The following NRARP variants were observed in gnomAD, a reference collection of about 807,000 sequenced individuals.
NRARP encodes NOTCH regulated ankyrin repeat protein.
For synonymous variants in NRARP, 81 were observed against 77.4 expected, an observed-to-expected ratio of 1.05 and a Z score of -0.25; for missense variants, 83 against 161.1, an observed-to-expected ratio of 0.52 and a Z score of 2.62.
chr9:137,302,047 GC>G lies in NRARP; in HGVS notation c.-120del. On this transcript the variant is annotated 5_prime_UTR_variant, in exon 1 of 1. It removes the in-frame stop codon of an upstream open reading frame in the 5' UTR. Coordinates refer to ENST00000356628, the MANE Select transcript of NRARP (RefSeq NM_001004354.3). The surrounding 1 kb of genome is among the most constrained non-coding windows in gnomAD (Gnocchi z 4.8). ...CGCATGGAGGGCGCGGCGTCCCCGGGCCCCGCACGCCGCCTCTGGGCGCTCC... is the reference window on the plus strand; with the variant it reads ...CGCATGGAGGGCGCGGCGTCCCCGGGCCCGCACGCCGCCTCTGGGCGCTCC... 1 of 240,548 alleles carries G rather than the reference GC, an allele frequency of 4.2e-6. No individual in the cohort carries two copies. Among genetic ancestry groups the G allele is most frequent in the Non-Finnish European group, 6.6e-6 (1 of 152,298 alleles). The allele number at this position is 240,548 out of a possible 1,614,324, so 14.9% of individuals were successfully genotyped here.
rs1326432961 is a variant in NRARP at position 137,302,079 on chromosome 9, C to T, written c.-151G>A. 5 of 167,990 alleles carry T rather than the reference C, an allele frequency of 3.0e-5. No homozygotes were observed. Among genetic ancestry groups the T allele is most frequent in the Non-Finnish European group, 5.8e-5 (5 of 86,176 alleles). The allele number at this position is 167,990 out of a possible 1,614,324, so 10.4% of individuals were successfully genotyped here. Reference sequence around the variant, plus strand: ...ACGCCGCCTCTGGGCGCTCCGGGCGCTCGGGGCCGGGGGTCGCCGCCGCGG... The same window carrying T: ...ACGCCGCCTCTGGGCGCTCCGGGCGTTCGGGGCCGGGGGTCGCCGCCGCGG... On this transcript the variant is annotated 5_prime_UTR_variant, in exon 1 of 1. Transcript: ENST00000356628. This position sits in a 1 kb window ranked among gnomAD's most constrained non-coding sequence, Gnocchi z 4.8.
chr9:137,301,157 G>C lies in NRARP; in HGVS notation c.*427C>G, dbSNP rs1830950250. ...CGGCGCGTCCCGGGCCTGCGGGCGG[G>C]TCCTGAAGGCGGCGGCGGAGCGCTC... On this transcript the variant is annotated 3_prime_UTR_variant, in exon 1 of 1. Coordinates refer to ENST00000356628, the MANE Select transcript of NRARP (RefSeq NM_001004354.3). This position sits in a 1 kb window ranked among gnomAD's most constrained non-coding sequence, Gnocchi z 9.1. 1 of 152,090 alleles carries C rather than the reference G, an allele frequency of 6.6e-6. No individual in the cohort carries two copies. Among genetic ancestry groups the C allele is most frequent in the African/African-American group, 2.4e-5 (1 of 41,446 alleles). 9.4% of individuals were successfully genotyped at this position (152,090 alleles called of 1,614,324 possible). A position where few individuals can be genotyped will look rare whatever the true frequency, so the allele number is the denominator to read the frequency against.
chr9:137,301,520 T>C lies in NRARP; in HGVS notation c.*64A>G. 2 of 1,138,850 alleles carry C rather than the reference T, an allele frequency of 1.8e-6. No homozygotes were observed. Among genetic ancestry groups the C allele is most frequent in the East Asian group, 3.0e-5 (1 of 33,310 alleles). 70.5% of individuals were successfully genotyped at this position (1,138,850 alleles called of 1,614,324 possible). Reference sequence around the variant, plus strand: ...GCGAGCCGGGCGCGCACCGAGGTAGTTGGCGGGAAGGTACAGCAGAGACGA... The same window carrying C: ...GCGAGCCGGGCGCGCACCGAGGTAGCTGGCGGGAAGGTACAGCAGAGACGA... On this transcript the variant is annotated 3_prime_UTR_variant, in exon 1 of 1. Coordinates refer to ENST00000356628, the MANE Select transcript of NRARP (RefSeq NM_001004354.3). This position sits in a 1 kb window ranked among gnomAD's most constrained non-coding sequence, Gnocchi z 9.1.
rs1306023428 is a variant in NRARP, at chr9:137,300,842, C to T, written c.*742G>A. 2 of 152,188 alleles carry T rather than the reference C, an allele frequency of 1.3e-5. No individual in the cohort carries two copies. Among genetic ancestry groups the T allele is most frequent in the Non-Finnish European group, 2.9e-5 (2 of 68,016 alleles). The allele number at this position is 152,188 out of a possible 1,614,324, so 9.4% of individuals were successfully genotyped here. A position where few individuals can be genotyped will look rare whatever the true frequency, so the allele number is the denominator to read the frequency against. On this transcript the variant is annotated 3_prime_UTR_variant, in exon 1 of 1. Transcript: ENST00000356628. ...GAGAAGGGAAGGGGGAGGGACAGCA[C>T]GGGAACACCATCAGGCTGGGCGGTA...
chr9:137,302,029 A>T lies in NRARP; in HGVS notation c.-101T>A. 1 of 376,606 alleles carries T rather than the reference A, an allele frequency of 2.7e-6. No individual in the cohort carries two copies. The allele number at this position is 376,606 out of a possible 1,614,324, so 23.3% of individuals were successfully genotyped here. ...TCTCGGGGCGCGCCTCGGCGCATGGAGGGCGCGGCGTCCCCGGGCCCCGCA... is the reference window on the plus strand; with the variant it reads ...TCTCGGGGCGCGCCTCGGCGCATGGTGGGCGCGGCGTCCCCGGGCCCCGCA... On this transcript the variant is annotated 5_prime_UTR_variant, in exon 1 of 1. Transcript: ENST00000356628. The surrounding 1 kb of genome is among the most constrained non-coding windows in gnomAD (Gnocchi z 4.8).
chr9:137,301,614 G>T lies in NRARP; in HGVS notation c.315C>A (p.Thr105=), dbSNP rs541783157. The change falls in exon 1 of 1, where the codon ACC becomes ACA. Residue 105 remains threonine, a synonymous_variant. Transcript: ENST00000356628. This position sits in a 1 kb window ranked among gnomAD's most constrained non-coding sequence, Gnocchi z 9.1. ...GGCCGCTGGCCGCGTACTTCGCCTT[G>T]GTGATGAGATAGAGCACGATGTCCT... ...GHQDIVLYLI[T]KAKYAASGR is the part of the protein sequence containing the mutation. The T allele has an allele frequency of 1.3e-4, 210 of 1,596,718 alleles. 3 individuals carry two copies. The South Asian group carries it at 2.2e-3, about 17-fold the overall frequency.
chr9:137,301,565 T>A lies in NRARP; in HGVS notation c.*19A>T, dbSNP rs1830955647. The A allele has an allele frequency of 1.3e-6, 2 of 1,519,782 alleles. No individual in the cohort carries two copies. The highest frequency in any genetic ancestry group is 2.4e-5 in the South Asian group (2 of 82,254). 94.1% of individuals were successfully genotyped at this position (1,519,782 alleles called of 1,614,324 possible). ...AGACGACGCGGGCGCAGGGCCGGGG[T>A]CCGGGGTCCCGGCGGGCATCACCGG... On this transcript the variant is annotated 3_prime_UTR_variant, in exon 1 of 1. Coordinates refer to ENST00000356628, the MANE Select transcript of NRARP (RefSeq NM_001004354.3). This position sits in a 1 kb window ranked among gnomAD's most constrained non-coding sequence, Gnocchi z 9.1.
In NRARP at chr9:137,301,545, A is replaced by C; in HGVS notation, c.*39T>G. ...TTGGCGGGAAGGTACAGCAGAGACG[A>C]CGCGGGCGCAGGGCCGGGGTCCGGG... On this transcript the variant is annotated 3_prime_UTR_variant, in exon 1 of 1. Transcript: ENST00000356628. The surrounding 1 kb of genome is among the most constrained non-coding windows in gnomAD (Gnocchi z 9.1). 7.0e-7 allele frequency: 1 copy of C among 1,422,414 alleles called. No homozygotes were observed. The highest frequency in any genetic ancestry group is 1.3e-5 in the South Asian group (1 of 76,456). The allele number at this position is 1,422,414 out of a possible 1,614,324, so 88.1% of individuals were successfully genotyped here.
Position 137,301,548 on chromosome 9 carries a change from C to T in NRARP, c.*36G>A. 1 of 1,443,304 alleles carries T rather than the reference C, an allele frequency of 6.9e-7. No homozygotes were observed. The highest frequency in any genetic ancestry group is 9.4e-7 in the Non-Finnish European group (1 of 1,059,996). The allele number at this position is 1,443,304 out of a possible 1,614,324, so 89.4% of individuals were successfully genotyped here. On this transcript the variant is annotated 3_prime_UTR_variant, in exon 1 of 1. Transcript: ENST00000356628. The surrounding 1 kb of genome is among the most constrained non-coding windows in gnomAD (Gnocchi z 9.1). ...GCGGGAAGGTACAGCAGAGACGACG[C>T]GGGCGCAGGGCCGGGGTCCGGGGTC... is the stretch of plus-strand genomic sequence containing the variant.
Position 137,300,788 on chromosome 9 carries a change from A to C in NRARP, c.*796T>G. The C allele has an allele frequency of 1.4e-5, 2 of 143,948 alleles. No individual in the cohort carries two copies. The highest frequency in any genetic ancestry group is 2.5e-4 in the South Asian group (1 of 4,006). 8.9% of individuals were successfully genotyped at this position (143,948 alleles called of 1,614,324 possible). On this transcript the variant is annotated 3_prime_UTR_variant, in exon 1 of 1. Coordinates refer to ENST00000356628, the MANE Select transcript of NRARP (RefSeq NM_001004354.3). The stretch of plus-strand genomic sequence containing the variant: ...GGAGAGGGAGAAGGAGGGAGGGGGA[A>C]CAGAACGGGGTGGGGAGGTAGACGC...
Position 137,302,201 on chromosome 9 carries a change from TCC to T in NRARP, c.-275_-274del, listed in dbSNP as rs1830963595. ...GGCCGGGGACGGCGGCGCCGCGCGGTCCCGGTCCCTACTCGGTTCGGCTGCGG... is the reference window on the plus strand; with the variant it reads ...GGCCGGGGACGGCGGCGCCGCGCGGTCGGTCCCTACTCGGTTCGGCTGCGG... On this transcript the variant is annotated 5_prime_UTR_variant, in exon 1 of 1. Transcript: ENST00000356628. This position sits in a 1 kb window ranked among gnomAD's most constrained non-coding sequence, Gnocchi z 4.8. 2.1e-5 allele frequency: 3 copies of T among 145,238 alleles called. No homozygotes were observed. The highest frequency in any genetic ancestry group is 7.4e-5 in the African/African-American group (3 of 40,320). 9.0% of individuals were successfully genotyped at this position (145,238 alleles called of 1,614,324 possible). A position where few individuals can be genotyped will look rare whatever the true frequency, so the allele number is the denominator to read the frequency against.
Position 137,301,894 on chromosome 9 carries a change from G to C in NRARP, c.35C>G (p.Pro12Arg). 1.3e-6 allele frequency: 2 copies of C among 1,567,526 alleles called. No individual in the cohort carries two copies. Among genetic ancestry groups the C allele is most frequent in the Non-Finnish European group, 1.7e-6 (2 of 1,159,514 alleles). ...SQAELSTCSA[P>R]QTQRIFQEAV... ...CTCCTGGAAGATGCGCTGCGTCTGC[G>C]GCGCGGAGCAGGTGGACAGCTCGGC... is the stretch of plus-strand genomic sequence containing the variant. Residue 12 changes from proline (P) to arginine (R), a missense_variant, in exon 1 of 1, where the codon CCG (proline) becomes CGG (arginine). Pro to Arg is a moderately radical substitution (Grantham distance 103). Coordinates refer to ENST00000356628, the MANE Select transcript of NRARP (RefSeq NM_001004354.3). The surrounding 1 kb of genome is among the most constrained non-coding windows in gnomAD (Gnocchi z 9.1).
In NRARP at chr9:137,299,659, A is replaced by C. The variant is rs1830927867; in HGVS notation, c.*1925T>G. ...CAAGAAACTTTTTTTTAATATAAAA[A>C]GATCAATGAAAAATTTATTTATAAA... On this transcript the variant is annotated 3_prime_UTR_variant, in exon 1 of 1. Coordinates refer to ENST00000356628, the MANE Select transcript of NRARP (RefSeq NM_001004354.3). Among the ~76,000 whole-genome samples, 1 of 152,224 alleles carries C rather than the reference A, an allele frequency of 6.6e-6. No individual in the cohort carries two copies. Among genetic ancestry groups the C allele is most frequent in the South Asian group, 2.1e-4 (1 of 4,834 alleles).
chr9:137,301,278 T>C lies in NRARP; in HGVS notation c.*306A>G, dbSNP rs1258828383. On this transcript the variant is annotated 3_prime_UTR_variant, in exon 1 of 1. Transcript: ENST00000356628. The surrounding 1 kb of genome is among the most constrained non-coding windows in gnomAD (Gnocchi z 9.1). ...TATCTCGGGATTCCGAACTTGCTGG[T>C]TGCGAGACTCAAATTTCAAAAGGGG... The C allele has an allele frequency of 2.6e-5, 4 of 153,270 alleles. No individual in the cohort carries two copies. The highest frequency in any genetic ancestry group is 3.8e-4 in the East Asian group (2 of 5,228). The allele number at this position is 153,270 out of a possible 1,614,324, so 9.5% of individuals were successfully genotyped here. A position where few individuals can be genotyped will look rare whatever the true frequency, so the allele number is the denominator to read the frequency against.
chr9:137,300,759 TGAGGGA>T lies in NRARP; in HGVS notation c.*819_*824del, dbSNP rs1830941971. On this transcript the variant is annotated 3_prime_UTR_variant, in exon 1 of 1. Coordinates refer to ENST00000356628, the MANE Select transcript of NRARP (RefSeq NM_001004354.3). ...CTGGGGCTTCCAAAACTCACGGATT[TGAGGGA>T]GAGGGAGAAGGAGGGAGGGGGAACA... The T allele has an allele frequency of 9.0e-6, 1 of 110,998 alleles. No homozygotes were observed. 6.9% of individuals were successfully genotyped at this position (110,998 alleles called of 1,614,324 possible).
In NRARP at chr9:137,301,513, G is replaced by T; in HGVS notation, c.*71C>A. The T allele has an allele frequency of 1.9e-6, 2 of 1,065,940 alleles. No homozygotes were observed. The highest frequency in any genetic ancestry group is 2.6e-6 in the Non-Finnish European group (2 of 769,424). 66.0% of individuals were successfully genotyped at this position (1,065,940 alleles called of 1,614,324 possible). A position where few individuals can be genotyped will look rare whatever the true frequency, so the allele number is the denominator to read the frequency against. ...GGGGCCTGCGAGCCGGGCGCGCACC[G>T]AGGTAGTTGGCGGGAAGGTACAGCA... On this transcript the variant is annotated 3_prime_UTR_variant, in exon 1 of 1. Coordinates refer to ENST00000356628, the MANE Select transcript of NRARP (RefSeq NM_001004354.3). The surrounding 1 kb of genome is among the most constrained non-coding windows in gnomAD (Gnocchi z 9.1).
In NRARP at chr9:137,299,932, T is replaced by A. The variant is rs988932472; in HGVS notation, c.*1652A>T. ...TTTCACTGACATTATCAATATATTC[T>A]TCTCACACAAAGTTTTATAAAAAGC... On this transcript the variant is annotated 3_prime_UTR_variant, in exon 1 of 1. Transcript: ENST00000356628. Among the ~76,000 whole-genome samples the A allele has an allele frequency of 1.3e-5, 2 of 152,198 alleles. No individual in the cohort carries two copies. Among genetic ancestry groups the A allele is most frequent in the African/African-American group, 2.4e-5 (1 of 41,450 alleles).
rs986280444 is a variant in NRARP, at chr9:137,301,525, G to A, written c.*59C>T. The A allele has an allele frequency of 1.0e-5, 12 of 1,195,780 alleles. No individual in the cohort carries two copies. The East Asian group carries it at 2.6e-4, about 26-fold the overall frequency. The allele number at this position is 1,195,780 out of a possible 1,614,324, so 74.1% of individuals were successfully genotyped here. A position where few individuals can be genotyped will look rare whatever the true frequency, so the allele number is the denominator to read the frequency against. ...CCGGGCGCGCACCGAGGTAGTTGGCGGGAAGGTACAGCAGAGACGACGCGG... is the reference window on the plus strand; with the variant it reads ...CCGGGCGCGCACCGAGGTAGTTGGCAGGAAGGTACAGCAGAGACGACGCGG... On this transcript the variant is annotated 3_prime_UTR_variant, in exon 1 of 1. Transcript: ENST00000356628. The surrounding 1 kb of genome is among the most constrained non-coding windows in gnomAD (Gnocchi z 9.1).
chr9:137,299,693 G>A lies in NRARP; in HGVS notation c.*1891C>T, dbSNP rs1224296808. 2.0e-5 allele frequency among the ~76,000 whole-genome samples: 3 copies of A among 151,944 alleles called. No homozygotes were observed. Among genetic ancestry groups the A allele is most frequent in the African/African-American group, 4.8e-5 (2 of 41,326 alleles). ...AAAAATTTATTTATAAATTTTTCAC[G>A]CTGGGCTACAGGTCAATATCGTACA... On this transcript the variant is annotated 3_prime_UTR_variant, in exon 1 of 1. Coordinates refer to ENST00000356628, the MANE Select transcript of NRARP (RefSeq NM_001004354.3).
Sources: allele counts gnomAD v4.1 joint callset (sites outside exome capture counted in the v4.1 genomes callset), GRCh38; gene constraint gnomAD v4.1.1; non-coding constraint Gnocchi (gnomAD v3.1); transcripts MANE v1.5; gene names NCBI Gene and HGNC (gene_info 2026-07-23, HGNC 2026-07-21).